The following RIPOR2 variants were observed in gnomAD, a reference collection of about 807,000 sequenced individuals.
RIPOR2 encodes rho family-interacting cell polarization regulator 2.
Under a neutral mutation model 114.5 loss-of-function variants are expected in RIPOR2, and 39 were observed. The ratio of observed to expected loss-of-function variants is 0.34; its 90% CI spans 0.26 to 0.44. The LOEUF (loss-of-function observed/expected upper bound fraction) is 0.44. RIPOR2 is among the 20% of genes least tolerant of loss of function. The pLI, the probability that RIPOR2 is intolerant of heterozygous loss-of-function variation, is 1.00. For synonymous variants in RIPOR2, 445 were observed against 484.4 expected, an observed-to-expected ratio of 0.92 and a Z score of 1.07; for missense variants, 1,007 against 1,255.1, an observed-to-expected ratio of 0.80 and a Z score of 2.99.
chr6:24,884,301 C>T (rs1001670454), intron 1 of RIPOR2, among the ~76,000 whole-genome samples: 1 of 151,656 alleles, frequency 6.6e-6, no homozygotes, highest in Non-Finnish European at 1.5e-5. Context: ...CCCAGCTACT[C>T]GGGAGGCTGA....
intron 1 of RIPOR2, among the ~76,000 whole-genome samples, chr6:24,967,371 A>G (rs147854850): frequency 6.6e-6 from 1 of 152,342 alleles, no homozygotes; most frequent in East Asian, 1.9e-4. Context: ...TATAAAGGAT[A>G]AAGATGTGTT....
At chr6:24,998,481 C>CA (rs1436982813) in intron 1 of RIPOR2, among the ~76,000 whole-genome samples, 3 of 152,170 alleles carry the variant, frequency 2.0e-5, no homozygotes, top group African/African-American at 4.8e-5. Context: ...ATGTTTCTAT[C>CA]AAAAAATCTA....
At chr6:24,913,376 A>T (rs1769821065) in intron 1 of RIPOR2, among the ~76,000 whole-genome samples, 1 of 152,166 alleles carries the variant, frequency 6.6e-6, no homozygotes, top group Admixed American at 6.5e-5. Context: ...CGTGTGGAGT[A>T]TGGAAGGTGA....
chr6:24,843,639 G>A (rs189495952), intron 12 of RIPOR2, 85 bp from the exon 13 acceptor site: 9 of 1,031,742 alleles, frequency 8.7e-6, no homozygotes, highest in Admixed American at 6.2e-5. Flanking sequence ...CAGAATATAA[G>A]GCAATTACAA....
intron 19 of RIPOR2, among the ~76,000 whole-genome samples, chr6:24,823,599 A>G (rs567812357): frequency 3.6e-4 from 55 of 152,204 alleles, no homozygotes; most frequent in Non-Finnish European, 7.6e-4. Context: ...GTAGTCACAT[A>G]ATGAAGGTTT....
chr6:24,823,815 G>A (rs533184179), intron 19 of RIPOR2, among the ~76,000 whole-genome samples: 1 of 152,254 alleles, frequency 6.6e-6, no homozygotes, highest in East Asian at 1.9e-4. Context: ...GGAGTCCAGT[G>A]GCGCAATCTC....
At chr6:24,873,854 A>G in intron 2 of RIPOR2, 55 bp from the exon 3 acceptor site, 1 of 1,427,602 alleles carries the variant, frequency 7.0e-7, no homozygotes, top group South Asian at 1.2e-5. Flanking sequence ...GGATTTGACC[A>G]AAGAAAAATG....
chr6:24,884,346 T>A (rs1361916976), intron 1 of RIPOR2, among the ~76,000 whole-genome samples: 1 of 151,922 alleles, frequency 6.6e-6, no homozygotes, highest in African/African-American at 2.4e-5. Context: ...GAGGTGGGGG[T>A]TGCAGTGAGC....
At chr6:25,024,580 G>A in intron 1 of RIPOR2, 1 of 511,556 alleles carries the variant, frequency 2.0e-6, no homozygotes, top group Non-Finnish European at 3.5e-6. Context: ...GCAGGCGACA[G>A]AACAAGAGCA....
intron 1 of RIPOR2, among the ~76,000 whole-genome samples, chr6:24,992,750 A>G (rs1009223561): frequency 2.6e-5 from 4 of 152,252 alleles, no homozygotes; most frequent in Admixed American, 6.5e-5. Flanking sequence ...AAGAGCCCTA[A>G]TAGCCAAGGC....
At chr6:24,915,364 T>C (rs1769990373) in intron 1 of RIPOR2, among the ~76,000 whole-genome samples, 1 of 151,202 alleles carries the variant, frequency 6.6e-6, no homozygotes. Flanking sequence ...CTTTTTTTTT[T>C]TTTTTTTTGA....
chr6:24,979,730 T>A (rs1220769344), intron 1 of RIPOR2, among the ~76,000 whole-genome samples: 2 of 152,152 alleles, frequency 1.3e-5, no homozygotes, highest in East Asian at 1.9e-4. Flanking sequence ...CAAGGCTAGT[T>A]TGAGTTATTG....
chr6:24,843,532 A>C lies in RIPOR2; in HGVS notation c.1187T>G (p.Phe396Cys), dbSNP rs2113736472. The change falls in exon 13 of 22, where the codon TTT (phenylalanine) becomes TGT (cysteine). Residue 396 changes from phenylalanine to cysteine, a missense_variant. Physicochemically the swap from Phe to Cys is radical, Grantham distance 205 (BLOSUM62 -2). Transcript: ENST00000643898. ...SFFSNLPDDI[F>C]ENGKAAEEKM... Reference sequence around the variant, plus strand: ...CTCCTCGGCTGCCTTTCCATTTTCAAAGATGTCATCAGGTAGATTTGACTA... The same window carrying C: ...CTCCTCGGCTGCCTTTCCATTTTCACAGATGTCATCAGGTAGATTTGACTA... The C allele has an allele frequency of 6.6e-7, 1 of 1,526,440 alleles. No homozygotes were observed. Among genetic ancestry groups the C allele is most frequent in the Admixed American group, 2.2e-5 (1 of 46,370 alleles). The allele number at this position is 1,526,440 out of a possible 1,614,324, so 94.6% of individuals were successfully genotyped here.
intron 1 of RIPOR2, among the ~76,000 whole-genome samples, chr6:24,959,927 C>A (rs1561808949): frequency 6.6e-6 from 1 of 152,192 alleles, no homozygotes; most frequent in Non-Finnish European, 1.5e-5. Flanking sequence ...ACTCTCCAAC[C>A]TGGTTTTTAT....
chr6:24,837,379 C>T (rs966082473), intron 14 of RIPOR2, among the ~76,000 whole-genome samples: 2 of 152,134 alleles, frequency 1.3e-5, no homozygotes, highest in African/African-American at 4.8e-5. Context: ...TCCAGCTTCC[C>T]AAAGTGCTGG....
intron 1 of RIPOR2, chr6:24,877,259 GACAA>G (rs1190759750): frequency 9.1e-6 from 9 of 985,230 alleles, no homozygotes; most frequent in Non-Finnish European, 9.6e-6. Flanking sequence ...GAGAGAGAAG[GACAA>G]ACAGCCTCCT....
chr6:24,905,033 C>G (rs1413372532), intron 1 of RIPOR2, among the ~76,000 whole-genome samples: 1 of 152,132 alleles, frequency 6.6e-6, no homozygotes, highest in African/African-American at 2.4e-5. Flanking sequence ...CCTCAGCCTC[C>G]CCAAGTGTTG....
intron 1 of RIPOR2, among the ~76,000 whole-genome samples, chr6:24,994,693 G>A (rs1348876906): frequency 6.6e-6 from 1 of 152,108 alleles, no homozygotes; most frequent in Non-Finnish European, 1.5e-5. Context: ...TTTGGGTTCT[G>A]AAACCTGGGG....
At chr6:24,879,540 G>A (rs1306331709) in intron 1 of RIPOR2, among the ~76,000 whole-genome samples, 1 of 152,162 alleles carries the variant, frequency 6.6e-6, no homozygotes, top group Non-Finnish European at 1.5e-5. Context: ...CCCCTAAAAG[G>A]TGACACATGG....
Sources: gnomAD v4.1 joint callset for allele counts (sites outside exome capture counted in the v4.1 genomes callset) on GRCh38, gnomAD v4.1.1 for gene constraint, MANE v1.5 for transcripts, NCBI Gene and HGNC (gene_info 2026-07-23, HGNC 2026-07-21) for gene names.